Variants in SLC39A10 observed in about 807,000 individuals in gnomAD.
SLC39A10 encodes the protein zinc transporter ZIP10.
A neutral mutation model predicts 65.1 loss-of-function variants in SLC39A10; 13 were observed. The ratio of observed to expected loss-of-function variants is 0.20; its 90% CI spans 0.13 to 0.32. The LOEUF (loss-of-function observed/expected upper bound fraction) is 0.32, where lower values mean the gene tolerates loss of function less well. SLC39A10 is among the 10% of genes least tolerant of loss of function. SLC39A10 has a pLI of 1.00. For synonymous variants in SLC39A10, 321 were observed against 342.2 expected (o/e 0.94, Z 0.68); for missense variants, 831 against 1,018.4 (o/e 0.82, Z 2.50).
At chr2:195,694,095 T>C (rs1690847970) in intron 3 of SLC39A10, among the ~76,000 whole-genome samples, 1 of 152,196 alleles carries the variant, frequency 6.6e-6, no homozygotes, top group Non-Finnish European at 1.5e-5. Context: ...AATTTCCTTA[T>C]ATTTGTATGG....
intron 3 of SLC39A10, among the ~76,000 whole-genome samples, chr2:195,685,480 C>T (rs1173357025): frequency 1.3e-5 from 2 of 152,150 alleles, no homozygotes; most frequent in Admixed American, 6.5e-5. Flanking sequence ...TCCTCCCTGC[C>T]TGCCTTGACA....
intron 5 of SLC39A10, among the ~76,000 whole-genome samples, chr2:195,711,628 A>C (rs1468789944): frequency 1.3e-5 from 2 of 152,208 alleles, no homozygotes; most frequent in Non-Finnish European, 2.9e-5. Flanking sequence ...TAGAATAGAC[A>C]TTTGACAGTC....
At chr2:195,671,242 C>A (rs573671016) in intron 1 of SLC39A10, among the ~76,000 whole-genome samples, 7 of 152,260 alleles carry the variant, frequency 4.6e-5, no homozygotes, top group South Asian at 2.1e-4. Flanking sequence ...GATTAAGTTC[C>A]TAACTGTAAA....
At chr2:195,659,370 T>TG (rs980348578) in intron 1 of SLC39A10, among the ~76,000 whole-genome samples, 5 of 152,232 alleles carry the variant, frequency 3.3e-5, no homozygotes, top group African/African-American at 1.2e-4. Context: ...TCCCTTTTTT[T>TG]GAGCACCTGA....
chr2:195,674,553 A>G (rs993212283), intron 1 of SLC39A10: 11 of 983,636 alleles, frequency 1.1e-5, no homozygotes, highest in Non-Finnish European at 1.3e-5. Flanking sequence ...CTGGGATTAT[A>G]GGTGTGAACC....
chr2:195,700,890 G>C (rs546637081), intron 3 of SLC39A10, among the ~76,000 whole-genome samples: 41 of 151,934 alleles, frequency 2.7e-4, no homozygotes, highest in African/African-American at 9.4e-4. Flanking sequence ...TCTTGGTGTG[G>C]GTCTCTTGAG....
chr2:195,675,124 A>G (rs1690032290), intron 1 of SLC39A10, among the ~76,000 whole-genome samples: 1 of 152,186 alleles, frequency 6.6e-6, no homozygotes, highest in Admixed American at 6.5e-5. Flanking sequence ...CTTGAGGGAA[A>G]TATTTTTCTC....
chr2:195,728,440 T>A lies in SLC39A10; in HGVS notation c.2337+91T>A, dbSNP rs932389968. 6.4e-5 allele frequency: 78 copies of A among 1,221,026 alleles called. No homozygotes were observed. In the Middle Eastern group the frequency reaches 1.9e-3, roughly 30 times the overall value. 75.6% of individuals were successfully genotyped at this position (1,221,026 alleles called of 1,614,324 possible). ...TGAAGCCAAACTATTTTTGAAAATA[T>A]AACTCATTTTAAAGACATAATATCC... is the stretch of plus-strand genomic sequence containing the variant. On this transcript the variant is annotated intron_variant, in intron 9 of 9. Coordinates refer to ENST00000359634, the MANE Select transcript of SLC39A10 (RefSeq NM_020342.3). The surrounding 1 kb of genome is among the most constrained non-coding windows in gnomAD (Gnocchi z 4.4).
chr2:195,700,316 T>C (rs1256266799), intron 3 of SLC39A10, among the ~76,000 whole-genome samples: 1 of 152,038 alleles, frequency 6.6e-6, no homozygotes, highest in Non-Finnish European at 1.5e-5. Flanking sequence ...GCTAATGTCT[T>C]CCATTGTATT....
intron 3 of SLC39A10, among the ~76,000 whole-genome samples, chr2:195,699,814 A>G (rs1487541644): frequency 2.6e-5 from 4 of 152,016 alleles, no homozygotes; most frequent in East Asian, 1.9e-4. Flanking sequence ...TAAGTCCTCT[A>G]TTTCCTTGCC....
chr2:195,644,775 G>A (rs181696067), intron 2 of SLC39A10, among the ~76,000 whole-genome samples: 80 of 151,414 alleles, frequency 5.3e-4, no homozygotes, highest in Admixed American at 5.2e-3. Context: ...CTGCACTCTA[G>A]CCTGGGTAAC....
chr2:195,718,567 G>A (rs192230441), intron 8 of SLC39A10, among the ~76,000 whole-genome samples: 1 of 152,190 alleles, frequency 6.6e-6, no homozygotes, highest in East Asian at 1.9e-4. Flanking sequence ...TAGTTATGCT[G>A]TTATAATGAA....
At chr2:195,670,335 A>G (rs898775148) in intron 1 of SLC39A10, 1 of 152,002 alleles carries the variant, frequency 6.6e-6, no homozygotes, top group Admixed American at 6.6e-5. Context: ...CAAATACATT[A>G]TCTCACATAC....
intron 1 of SLC39A10, among the ~76,000 whole-genome samples, chr2:195,663,580 T>G (rs774476489): frequency 1.3e-5 from 2 of 152,164 alleles, no homozygotes; most frequent in Non-Finnish European, 2.9e-5. Context: ...AGTGAGATCA[T>G]GTTTTCTATT....
chr2:195,670,893 G>T (rs1332456525), intron 1 of SLC39A10, among the ~76,000 whole-genome samples: 1 of 152,134 alleles, frequency 6.6e-6, no homozygotes, highest in Non-Finnish European at 1.5e-5. Context: ...TTGAAGGTTG[G>T]AATAAACTTC....
intron 9 of SLC39A10, among the ~76,000 whole-genome samples, chr2:195,732,336 T>C (rs1222807845): frequency 1.3e-5 from 2 of 152,208 alleles, no homozygotes; most frequent in Non-Finnish European, 2.9e-5. Context: ...GAGATACCTA[T>C]AGGATAACCA....
intron 3 of SLC39A10, among the ~76,000 whole-genome samples, chr2:195,703,171 T>G (rs573854850): frequency 6.6e-6 from 1 of 152,334 alleles, no homozygotes; most frequent in South Asian, 2.1e-4. Context: ...GAGCTCAGTT[T>G]GAGAAATGCT....
intron 1 of SLC39A10, chr2:195,658,435 GTT>G (rs1448137654): frequency 6.6e-6 from 1 of 152,130 alleles, no homozygotes; most frequent in Non-Finnish European, 1.5e-5. Flanking sequence ...AGGTTATACT[GTT>G]TTTTAAAAGA....
At chr2:195,635,528 A>G (rs2105700729) in intron 2 of SLC39A10, among the ~76,000 whole-genome samples, 1 of 152,338 alleles carries the variant, frequency 6.6e-6, no homozygotes, top group Non-Finnish European at 1.5e-5. Context: ...GCACAAATCA[A>G]AGAAGTGGCA....
Sources: allele counts gnomAD v4.1 joint callset (sites outside exome capture counted in the v4.1 genomes callset), GRCh38; gene constraint gnomAD v4.1.1; non-coding constraint Gnocchi (gnomAD v3.1); transcripts MANE v1.5; gene names NCBI Gene and HGNC (gene_info 2026-07-23, HGNC 2026-07-21).